LGR5: variants seen among roughly 807,000 people sequenced by gnomAD.
LGR5 encodes leucine rich repeat containing G protein-coupled receptor 5.
A neutral mutation model predicts 76.7 loss-of-function variants in LGR5; 54 were observed. The observed-to-expected ratio is 0.70, with a 90% CI of 0.57 to 0.88. LGR5 has a LOEUF of 0.88. LGR5 is among the 40% of genes least tolerant of loss of function. The probability of loss-of-function intolerance (pLI) is 0.00; values close to 1 mark genes in which losing one functional copy is unlikely to be tolerated. For missense variants in LGR5, 1,078 were observed against 1,073.3 expected (o/e 1.00, Z -0.06); for synonymous variants, 406 against 421.9 (o/e 0.96, Z 0.46).
chr12:71,448,084 A>AACACACACACACACACACCC (rs1872092215), intron 1 of LGR5, among the ~76,000 whole-genome samples: 1 of 145,584 alleles, frequency 6.9e-6, no homozygotes, highest in South Asian at 2.2e-4. Context: ...CACACACACA[A>AACACACACACACACACACCC]ACACACACAC....
rs768364854 is a variant in LGR5 at position 71,445,747 on chromosome 12, TGTATCTAGTGGTAATGCTAAAA to T, written c.212+5457_212+5478del. ...CATTTGATTTCAAGAAATGGAATAA[TGTATCTAGTGGTAATGCTAAAA>T]GGCTCTTAACAGGATGTTAGCATTA... On this transcript the variant is annotated intron_variant, in intron 1 of 17. Transcript: ENST00000266674. Among the ~76,000 whole-genome samples, 236 of 152,302 alleles carry T rather than the reference TGTATCTAGTGGTAATGCTAAAA, an allele frequency of 1.5e-3. 1 individual carries two copies. Among genetic ancestry groups the T allele is most frequent in the Non-Finnish European group, 2.7e-3 (185 of 68,016 alleles).
At chr12:71,571,639 C>A (rs1355816987) in intron 12 of LGR5, 60 bp downstream of exon 12, 1 of 1,233,496 alleles carries the variant, frequency 8.1e-7, no homozygotes, top group Non-Finnish European at 1.2e-6. Flanking sequence ...TCACATTTCT[C>A]AGGGTCACTG....
intron 3 of LGR5, among the ~76,000 whole-genome samples, chr12:71,534,751 A>AGGG (rs1402868729): frequency 6.6e-6 from 1 of 152,104 alleles, no homozygotes; most frequent in Admixed American, 6.6e-5. Flanking sequence ...TTCCTTGGTA[A>AGGG]CTTTTCCCAA....
chr12:71,439,296 C>A (rs988708105), upstream of LGR5, among the ~76,000 whole-genome samples: 1 of 152,176 alleles, frequency 6.6e-6, no homozygotes, highest in Admixed American at 6.5e-5. Flanking sequence ...TCGCCGGGGA[C>A]GCCTGCCTCC....
intron 1 of LGR5, among the ~76,000 whole-genome samples, chr12:71,480,799 G>A (rs12809876): frequency 0.09 from 13,656 of 152,170 alleles, 658 homozygotes; most frequent in Non-Finnish European, 0.11. Context: ...ATTTGCCTAC[G>A]TTATCTCATT....
chr12:71,563,628 G>A (rs374639267), intron 8 of LGR5, among the ~76,000 whole-genome samples: 30 of 152,264 alleles, frequency 2.0e-4, no homozygotes, highest in African/African-American at 7.2e-4. Flanking sequence ...TATGTTCACG[G>A]AACAAAGCTC....
chr12:71,582,382 G>T, intron 16 of LGR5, 74 bp from the exon 17 acceptor site: 1 of 1,178,804 alleles, frequency 8.5e-7, no homozygotes. Flanking sequence ...AATAACCCAG[G>T]ACTCTCCACT....
At chr12:71,569,657 A>G (rs370780366) in intron 11 of LGR5, among the ~76,000 whole-genome samples, 30 of 152,372 alleles carry the variant, frequency 2.0e-4, no homozygotes, top group African/African-American at 7.2e-4. Context: ...GTCAAGAAAC[A>G]ACAAATGCTG....
intron 1 of LGR5, among the ~76,000 whole-genome samples, chr12:71,478,566 G>C (rs955793798): frequency 2.0e-5 from 3 of 152,172 alleles, no homozygotes; most frequent in African/African-American, 7.2e-5. Context: ...ATAAGTCCCA[G>C]ATTGAAGTAA....
chr12:71,546,827 A>G (rs1185929635), intron 4 of LGR5, among the ~76,000 whole-genome samples: 1 of 152,164 alleles, frequency 6.6e-6, no homozygotes, highest in East Asian at 1.9e-4. Flanking sequence ...AGGATAAGTC[A>G]TTTCTTGTAG....
At chr12:71,504,432 T>G (rs118164923) in intron 1 of LGR5, among the ~76,000 whole-genome samples, 182 bp from the exon 2 acceptor site, 10 of 152,278 alleles carry the variant, frequency 6.6e-5, no homozygotes, top group Non-Finnish European at 1.5e-4. Context: ...AGAGAGCCCA[T>G]GATGTTGTGG....
intron 2 of LGR5, among the ~76,000 whole-genome samples, chr12:71,514,304 C>T (rs532431729): frequency 1.3e-5 from 2 of 151,898 alleles, no homozygotes; most frequent in Non-Finnish European, 2.9e-5. Flanking sequence ...CACGGTGGCT[C>T]ACGCCTGTAA....
chr12:71,545,946 T>G (rs1197936485), intron 4 of LGR5, among the ~76,000 whole-genome samples: 3 of 152,164 alleles, frequency 2.0e-5, no homozygotes, highest in Admixed American at 2.0e-4. Flanking sequence ...ATTATTAACC[T>G]TTTCACATAG....
chr12:71,534,948 T>C (rs145588408), intron 3 of LGR5, among the ~76,000 whole-genome samples, 167 bp from the exon 4 acceptor site: 198 of 152,346 alleles, frequency 1.3e-3, no homozygotes, highest in African/African-American at 4.6e-3. Flanking sequence ...ATTCATTTGT[T>C]CATCTTTAAT....
At chr12:71,561,157 ATG>A (rs1034594465) in intron 7 of LGR5, among the ~76,000 whole-genome samples, 2 of 152,300 alleles carry the variant, frequency 1.3e-5, no homozygotes, top group Non-Finnish European at 2.9e-5. Flanking sequence ...AGGAAACCCC[ATG>A]TGTGGCTTAG....
intron 16 of LGR5, among the ~76,000 whole-genome samples, chr12:71,581,434 TA>T (rs1879088474): frequency 6.6e-6 from 1 of 152,244 alleles, no homozygotes; most frequent in Admixed American, 6.5e-5. Context: ...GCACAAAGTC[TA>T]AACAGACTAA....
At chr12:71,546,021 G>A (rs1877139594) in intron 4 of LGR5, among the ~76,000 whole-genome samples, 1 of 152,176 alleles carries the variant, frequency 6.6e-6, no homozygotes, top group African/African-American at 2.4e-5. Context: ...GGCAGGGGCA[G>A]GTGGGGTTGC....
intron 1 of LGR5, among the ~76,000 whole-genome samples, chr12:71,486,909 C>T (rs966043699): frequency 4.6e-5 from 7 of 152,028 alleles, no homozygotes; most frequent in African/African-American, 1.7e-4. Context: ...CCACAGAGGG[C>T]TCCTTTATGA....
intron 1 of LGR5, among the ~76,000 whole-genome samples, chr12:71,496,499 T>G (rs35583341): frequency 2.6e-5 from 4 of 152,100 alleles, no homozygotes; most frequent in African/African-American, 9.6e-5. Flanking sequence ...TAAATTGATA[T>G]AACCACTTTA....
Sources: gnomAD v4.1 joint callset for allele counts (sites outside exome capture counted in the v4.1 genomes callset) on GRCh38, gnomAD v4.1.1 for gene constraint, MANE v1.5 for transcripts, NCBI Gene and HGNC (gene_info 2026-07-23, HGNC 2026-07-21) for gene names.